GLRA2: variants seen among roughly 807,000 people sequenced by gnomAD.
GLRA2 encodes glycine receptor subunit alpha-2.
Under a neutral mutation model 31.6 loss-of-function variants are expected in GLRA2, and 11 were observed. The observed-to-expected ratio is 0.35, with a 90% CI of 0.22 to 0.58. The LOEUF is 0.58. GLRA2 is among the 20% of genes least tolerant of loss of function. The pLI, the probability that GLRA2 is intolerant of heterozygous loss-of-function variation, is 0.84. For missense variants in GLRA2, 212 were observed against 351.8 expected, an observed-to-expected ratio of 0.60 and a Z score of 3.18; for synonymous variants, 132 against 134.0, an observed-to-expected ratio of 0.99 and a Z score of 0.10.
At chrX:14,618,851 T>C (rs1399056390) in intron 7 of GLRA2, among the ~76,000 whole-genome samples, 1 of 111,877 alleles carries the variant, frequency 8.9e-6, no homozygotes, top group African/African-American at 3.2e-5. Flanking sequence ...GCTGTACACA[T>C]TTCTTTACAC....
At chrX:14,545,255 G>A (rs752977929) in intron 2 of GLRA2, among the ~76,000 whole-genome samples, 1 of 111,420 alleles carries the variant, frequency 9.0e-6, no homozygotes, top group Admixed American at 9.5e-5. Context: ...CCAAGGCTGA[G>A]GAGTCTGCAT....
the GLRA2 span, among the ~76,000 whole-genome samples, chrX:14,505,076 A>C: frequency 1.8e-5 from 2 of 112,122 alleles, no homozygotes; most frequent in East Asian, 5.6e-4. Context: ...AGGGAGAAAA[A>C]ATAAAGACTG....
chrX:14,556,297 G>A (rs1203045708), intron 2 of GLRA2, among the ~76,000 whole-genome samples: 3 of 111,745 alleles, frequency 2.7e-5, no homozygotes, highest in Admixed American at 9.4e-5. Context: ...CAATTAACAT[G>A]AGAGAAAGTC....
chrX:14,660,973 T>C (rs775229442), intron 7 of GLRA2, among the ~76,000 whole-genome samples: 5 of 112,176 alleles, frequency 4.5e-5, no homozygotes, highest in Non-Finnish European at 7.5e-5. Flanking sequence ...GGCATTTCTT[T>C]GTTTCGTTTA....
At chrX:14,470,700 G>T in the GLRA2 span, among the ~76,000 whole-genome samples, 22 of 111,688 alleles carry the variant, frequency 2.0e-4, no homozygotes, top group Non-Finnish European at 4.0e-4. Context: ...TTTTCAAATT[G>T]TTATGAACTC....
At chrX:14,622,379 T>G (rs1274928641) in intron 7 of GLRA2, among the ~76,000 whole-genome samples, 2 of 112,182 alleles carry the variant, frequency 1.8e-5, no homozygotes, top group African/African-American at 6.5e-5. Flanking sequence ...AGATCCCATT[T>G]GTCAATTTTG....
rs1008761945 is a variant in GLRA2, at chrX:14,549,158, T to C, written c.202+16786T>C. Among the ~76,000 whole-genome samples the C allele has an allele frequency of 6.3e-5, 7 of 111,600 alleles. No homozygotes were observed. In the Admixed American group the frequency reaches 6.6e-4, roughly 11 times the overall value. ...ACTTGAATTTGGTATTGAGAGCAAA[T>C]AGGTGTTCAATGAATGAAAAGGGGA... On this transcript the variant is annotated intron_variant, in intron 2 of 8. Transcript: ENST00000218075.
intron 4 of GLRA2, among the ~76,000 whole-genome samples, chrX:14,601,772 A>T (rs777470606): frequency 9.0e-6 from 1 of 111,240 alleles, no homozygotes; most frequent in African/African-American, 3.3e-5. Context: ...GTTTGCTTTT[A>T]CTTGAATAGA....
chrX:14,509,618 C>T, the GLRA2 span, among the ~76,000 whole-genome samples: 1 of 111,236 alleles, frequency 9.0e-6, no homozygotes, highest in African/African-American at 3.3e-5. Flanking sequence ...AAAGTTGAGG[C>T]CAAGAGAAAA....
At chrX:14,668,254 C>T (rs986162943) in intron 7 of GLRA2, among the ~76,000 whole-genome samples, 40 of 112,232 alleles carry the variant, frequency 3.6e-4, no homozygotes, top group Non-Finnish European at 2.8e-4. Flanking sequence ...AAAGAAAGTG[C>T]AAGCAAGATG....
Position 14,663,829 on chromosome X carries a change from T to C in GLRA2, c.931-26881T>C, listed in dbSNP as rs1258896851. On this transcript the variant is annotated intron_variant, in intron 7 of 8. Transcript: ENST00000218075. ...ATCTCCTCAGTTTCAGTAAAGTATA[T>C]TTTTCTACAAAACTGTCCATTTCAT... Among the ~76,000 whole-genome samples the C allele has an allele frequency of 2.7e-5, 3 of 111,379 alleles. No individual in the cohort carries two copies. In the Admixed American group the frequency reaches 2.9e-4, roughly 11 times the overall value.
intron 2 of GLRA2, among the ~76,000 whole-genome samples, chrX:14,542,752 A>G (rs1601693399): frequency 9.0e-6 from 1 of 110,605 alleles, no homozygotes; most frequent in Non-Finnish European, 1.9e-5. Context: ...CATTGCCACA[A>G]AGAGTCTGTT....
the GLRA2 span, among the ~76,000 whole-genome samples, chrX:14,519,645 A>C: frequency 8.9e-6 from 1 of 112,102 alleles, no homozygotes. Context: ...AAGGCTAAGA[A>C]CCAGGATTTA....
intron 7 of GLRA2, among the ~76,000 whole-genome samples, chrX:14,624,507 C>T (rs189235546): frequency 8.1e-5 from 9 of 111,666 alleles, no homozygotes; most frequent in Middle Eastern, 4.7e-3. Flanking sequence ...AATTTCCCTC[C>T]ACACACTGCT....
At chrX:14,629,833 T>C (rs183367427) in intron 7 of GLRA2, among the ~76,000 whole-genome samples, 117 of 112,015 alleles carry the variant, frequency 1.0e-3, no homozygotes, top group Non-Finnish European at 1.6e-3. Context: ...CCTTCTCATA[T>C]AGTATAAGAG....
At chrX:14,556,734 T>C in intron 2 of GLRA2, among the ~76,000 whole-genome samples, 1 of 112,109 alleles carries the variant, frequency 8.9e-6, no homozygotes, top group Middle Eastern at 4.6e-3. Flanking sequence ...AGAAAAGGCT[T>C]AGTAAAAATG....
chrX:14,687,103 C>T (rs929855477), intron 7 of GLRA2, among the ~76,000 whole-genome samples: 17 of 112,096 alleles, frequency 1.5e-4, no homozygotes, highest in African/African-American at 5.2e-4. Flanking sequence ...GTTGAAAATT[C>T]TTTCCTTTAA....
chrX:14,690,030 TTTAA>T (rs1339056611), intron 7 of GLRA2, among the ~76,000 whole-genome samples: 12 of 112,235 alleles, frequency 1.1e-4, no homozygotes, highest in African/African-American at 3.6e-4. Context: ...TTGAATACTC[TTTAA>T]TTGTGAGGAT....
At chrX:14,492,715 A>T in the GLRA2 span, among the ~76,000 whole-genome samples, 6,910 of 111,566 alleles carry the variant, frequency 0.062, 555 homozygotes, top group African/African-American at 0.21. Flanking sequence ...AAGTTAAAGA[A>T]CAAATGAGAA....
Sources: gnomAD v4.1 joint callset for allele counts (sites outside exome capture counted in the v4.1 genomes callset) on GRCh38, gnomAD v4.1.1 for gene constraint, MANE v1.5 for transcripts, NCBI Gene and HGNC (gene_info 2026-07-23, HGNC 2026-07-21) for gene names.